Variants in NKAIN3 observed in about 807,000 individuals in gnomAD.
The protein encoded by NKAIN3 is sodium/potassium transporting ATPase interacting 3, also known as sodium/potassium-transporting ATPase subunit beta-1-interacting protein 3.
In NKAIN3, 25 loss-of-function variants were observed where a neutral mutation model predicts 30.2. The ratio of observed to expected loss-of-function variants is 0.83; its 90% CI spans 0.60 to 1.16. The LOEUF (loss-of-function observed/expected upper bound fraction) is 1.16, where lower values mean the gene tolerates loss of function less well. Among genes scored for constraint, NKAIN3 ranks in the 50% most tolerant of loss-of-function variants. The pLI is 0.00. For synonymous variants in NKAIN3, 91 were observed against 89.6 expected, an observed-to-expected ratio of 1.02 and a Z score of -0.09; for missense variants, 225 against 254.1, an observed-to-expected ratio of 0.89 and a Z score of 0.78.
rs1563942782 is a variant in NKAIN3 at position 62,345,502 on chromosome 8, T to TATAC, written c.54+96376_54+96377insTACA. On this transcript the variant is annotated intron_variant, in intron 1 of 6. Coordinates refer to ENST00000623646, the MANE Select transcript of NKAIN3 (RefSeq NM_001304533.3). ...ATATATGTATATATACACACATATA[T>TATAC]ACACATATATACACATATATGTATA... Among the ~76,000 whole-genome samples, 93 of 20,686 alleles carry TATAC rather than the reference T, an allele frequency of 4.5e-3. 1 individual carries two copies. Among genetic ancestry groups the TATAC allele is most frequent in the African/African-American group, 9.8e-3 (56 of 5,690 alleles). 13.6% of individuals were successfully genotyped at this position (20,686 alleles called of 152,430 possible).
At chr8:62,322,654 T>C (rs1814975066) in intron 1 of NKAIN3, among the ~76,000 whole-genome samples, 1 of 152,198 alleles carries the variant, frequency 6.6e-6, no homozygotes, top group African/African-American at 2.4e-5. Context: ...GCTAAATAAA[T>C]ACTATGTGAG....
At chr8:62,931,829 A>C (rs1025859496) in intron 5 of NKAIN3, among the ~76,000 whole-genome samples, 4 of 152,172 alleles carry the variant, frequency 2.6e-5, no homozygotes, top group Admixed American at 1.3e-4. Context: ...AAACATTTTA[A>C]CATCTTTTCA....
intron 1 of NKAIN3, among the ~76,000 whole-genome samples, chr8:62,370,413 A>T (rs989251594): frequency 1.3e-5 from 2 of 152,004 alleles, no homozygotes; most frequent in Non-Finnish European, 2.9e-5. Context: ...TGAAGCTGAA[A>T]AAAGAAAATG....
At chr8:62,700,518 T>C (rs1313885354) in intron 3 of NKAIN3, among the ~76,000 whole-genome samples, 1 of 152,224 alleles carries the variant, frequency 6.6e-6, no homozygotes, top group African/African-American at 2.4e-5. Flanking sequence ...CTCCCAGAAA[T>C]ATAATCTCTT....
At chr8:62,907,383 G>A (rs1036131071) in intron 4 of NKAIN3, among the ~76,000 whole-genome samples, 31 of 152,190 alleles carry the variant, frequency 2.0e-4, no homozygotes, top group Admixed American at 2.0e-3. Flanking sequence ...GGCTGATGAT[G>A]CAATTCAAAA....
chr8:62,403,189 A>G (rs1461357720), intron 1 of NKAIN3, among the ~76,000 whole-genome samples: 2 of 152,192 alleles, frequency 1.3e-5, no homozygotes, highest in Non-Finnish European at 2.9e-5. Flanking sequence ...TATTTAGGGT[A>G]TCTGGTGGAA....
intron 4 of NKAIN3, among the ~76,000 whole-genome samples, chr8:62,866,912 G>A (rs181196560): frequency 0.017 from 1,684 of 99,230 alleles, 18 homozygotes; most frequent in Middle Eastern, 0.066. Flanking sequence ...AAAATTGGCC[G>A]GGCTTGGTGG....
intron 4 of NKAIN3, among the ~76,000 whole-genome samples, chr8:62,831,972 A>G (rs1006642345): frequency 6.6e-6 from 1 of 152,110 alleles, no homozygotes; most frequent in Non-Finnish European, 1.5e-5. Context: ...AAAAAAAGAA[A>G]TATCAGACCA....
intron 1 of NKAIN3, among the ~76,000 whole-genome samples, chr8:62,514,267 G>GT (rs1264614850): frequency 2.6e-5 from 4 of 151,802 alleles, no homozygotes; most frequent in African/African-American, 9.7e-5. Flanking sequence ...ATAGATACTC[G>GT]TTTTTTTTAA....
intron 1 of NKAIN3, among the ~76,000 whole-genome samples, chr8:62,494,106 T>G (rs1461603126): frequency 6.6e-6 from 1 of 152,192 alleles, no homozygotes; most frequent in African/African-American, 2.4e-5. Flanking sequence ...TGTGCTGGTT[T>G]TCAAGGGAAA....
At chr8:62,537,590 T>C (rs1417007460) in intron 1 of NKAIN3, among the ~76,000 whole-genome samples, 1 of 151,946 alleles carries the variant, frequency 6.6e-6, no homozygotes, top group Non-Finnish European at 1.5e-5. Flanking sequence ...ATTTTGACTA[T>C]ATTACTCCAA....
At chr8:62,456,324 A>T (rs1156694857) in intron 1 of NKAIN3, among the ~76,000 whole-genome samples, 1 of 152,002 alleles carries the variant, frequency 6.6e-6, no homozygotes, top group East Asian at 1.9e-4. Context: ...GATCGAGACC[A>T]TCTGGCTAAC....
Position 62,283,627 on chromosome 8 carries a change from T to C in NKAIN3, c.54+34500T>C, listed in dbSNP as rs571250249. On this transcript the variant is annotated intron_variant, in intron 1 of 6. Transcript: ENST00000623646. The stretch of plus-strand genomic sequence containing the variant: ...TGATTATTGAAGTAGGATTTTAAAT[T>C]ATCTTATATATTTCATCTTTGATTT... Among the ~76,000 whole-genome samples, 82 of 152,242 alleles carry C rather than the reference T, an allele frequency of 5.4e-4. 1 individual carries two copies. In the South Asian group the frequency reaches 0.013, roughly 24 times the overall value.
chr8:62,754,991 G>A (rs912987480), intron 4 of NKAIN3, among the ~76,000 whole-genome samples: 10 of 152,134 alleles, frequency 6.6e-5, no homozygotes, highest in East Asian at 1.9e-4. Context: ...TGTAAATATA[G>A]TTAAAAGATT....
At chr8:62,407,250 G>GTATA (rs371657257) in intron 1 of NKAIN3, among the ~76,000 whole-genome samples, 5 of 150,282 alleles carry the variant, frequency 3.3e-5, no homozygotes, top group African/African-American at 1.2e-4. Flanking sequence ...ACAGCTATAT[G>GTATA]TATATATATA....
At chr8:62,586,221 T>C (rs1035923708) in intron 2 of NKAIN3, among the ~76,000 whole-genome samples, 1 of 152,192 alleles carries the variant, frequency 6.6e-6, no homozygotes, top group Non-Finnish European at 1.5e-5. Flanking sequence ...ATAAATCCCA[T>C]TCTTGAGTCA....
chr8:62,791,917 A>G (rs1040531002), intron 4 of NKAIN3, among the ~76,000 whole-genome samples: 6 of 152,112 alleles, frequency 3.9e-5, no homozygotes, highest in African/African-American at 1.4e-4. Context: ...GTTGACAAAA[A>G]TTGTATATAT....
intron 4 of NKAIN3, among the ~76,000 whole-genome samples, chr8:62,788,186 G>T (rs373665571): frequency 6.6e-6 from 1 of 151,932 alleles, no homozygotes; most frequent in Non-Finnish European, 1.5e-5. Context: ...TCTCCACATC[G>T]TCTCCAGCAC....
rs1823755077 is a variant in NKAIN3, at chr8:62,968,243, A to G, written c.*2836A>G. ...AAGACAAAGGGAAAAAAAGAAGTGC[A>G]GAGTTGTACAGTAATACTTGGCAAT... is the stretch of plus-strand genomic sequence containing the variant. On this transcript the variant is annotated 3_prime_UTR_variant, in exon 7 of 7. Transcript: ENST00000623646. Among the ~76,000 whole-genome samples the G allele has an allele frequency of 6.6e-6, 1 of 152,212 alleles. No homozygotes were observed. Among genetic ancestry groups the G allele is most frequent in the South Asian group, 2.1e-4 (1 of 4,830 alleles).
Sources: allele counts gnomAD v4.1 joint callset (sites outside exome capture counted in the v4.1 genomes callset), GRCh38; gene constraint gnomAD v4.1.1; transcripts MANE v1.5; gene names NCBI Gene and HGNC (gene_info 2026-07-23, HGNC 2026-07-21).